The following KIAA1958 variants were observed in gnomAD, a reference collection of about 807,000 sequenced individuals.
The protein encoded by KIAA1958 is uncharacterized protein KIAA1958.
Under a neutral mutation model 47.2 loss-of-function variants are expected in KIAA1958, and 14 were observed. The observed-to-expected ratio is 0.30, with a 90% CI of 0.20 to 0.46. The LOEUF is 0.46. KIAA1958 is among the 20% of genes least tolerant of loss of function. KIAA1958 has a pLI of 1.00. For missense variants in KIAA1958, 803 were observed against 909.2 expected (o/e 0.88, Z 1.50); for synonymous variants, 354 against 353.3 (o/e 1.00, Z -0.02).
intron 1 of KIAA1958, among the ~76,000 whole-genome samples, chr9:112,558,895 C>T (rs775879640): frequency 3.9e-5 from 6 of 152,096 alleles, no homozygotes; most frequent in African/African-American, 1.4e-4. Flanking sequence ...TTATATAACA[C>T]TTTGGGTACA....
chr9:112,538,263 G>T (rs1358026633), intron 1 of KIAA1958, among the ~76,000 whole-genome samples: 3 of 152,076 alleles, frequency 2.0e-5, no homozygotes, highest in East Asian at 1.9e-4. Flanking sequence ...ATTGCTTGAG[G>T]ATTGCTTGAG....
At chr9:112,597,688 C>G (rs1036425129) in intron 2 of KIAA1958, among the ~76,000 whole-genome samples, 1 of 152,206 alleles carries the variant, frequency 6.6e-6, no homozygotes, top group Non-Finnish European at 1.5e-5. Context: ...GAGACACGTA[C>G]AGACATGCTT....
At chr9:112,523,643 C>A (rs1326330315) in intron 1 of KIAA1958, among the ~76,000 whole-genome samples, 1 of 152,146 alleles carries the variant, frequency 6.6e-6, no homozygotes, top group East Asian at 1.9e-4. Flanking sequence ...TCTTTGACTT[C>A]ATGGGTGGAT....
Position 112,659,758 on chromosome 9 carries a change from C to A in KIAA1958, c.1840C>A (p.His614Asn), listed in dbSNP as rs1388849920. The A allele has an allele frequency of 1.9e-6, 3 of 1,614,128 alleles. No individual in the cohort carries two copies. The Admixed American group carries it at 5.0e-5, about 27-fold the overall frequency. Residue 614 changes from histidine to asparagine, a missense_variant, in exon 4 of 4, where the codon CAC becomes AAC. His to Asn is a moderately conservative substitution (Grantham distance 68). Around this residue, in one of 2 missense-constraint regions of KIAA1958, gnomAD observed 761 missense variants for 829.3 expected, o/e 0.92. Coordinates refer to ENST00000337530, the MANE Select transcript of KIAA1958 (RefSeq NM_133465.4). ...TCGGAGCGGCTCCACCAGAGTGTGT[C>A]ACGGGAAGATCTACCATGAGCATTC... ...ESRSGSTRVC[H>N]GKIYHEHSRG...
chr9:112,616,775 A>G lies in KIAA1958; in HGVS notation c.1172-28875A>G, dbSNP rs888769234. Among the ~76,000 whole-genome samples the G allele has an allele frequency of 2.5e-4, 38 of 151,960 alleles. 1 individual carries two copies. Among genetic ancestry groups the G allele is most frequent in the Non-Finnish European group, 5.0e-4 (34 of 68,044 alleles). Reference sequence around the variant, plus strand: ...TGTTAAGATCCTAAATTTAAATTACATTTTACTGAAATGAAACCATGTAAA... The same window carrying G: ...TGTTAAGATCCTAAATTTAAATTACGTTTTACTGAAATGAAACCATGTAAA... On this transcript the variant is annotated intron_variant, in intron 2 of 3. Coordinates refer to ENST00000337530, the MANE Select transcript of KIAA1958 (RefSeq NM_133465.4).
intron 1 of KIAA1958, among the ~76,000 whole-genome samples, chr9:112,531,807 T>C (rs1435239776): frequency 6.6e-6 from 1 of 152,184 alleles, no homozygotes; most frequent in East Asian, 1.9e-4. Flanking sequence ...GGATTTTCAC[T>C]TTATCCACAC....
chr9:112,591,857 T>A (rs187355295), intron 2 of KIAA1958, among the ~76,000 whole-genome samples: 105 of 152,284 alleles, frequency 6.9e-4, no homozygotes, highest in Non-Finnish European at 1.3e-3. Flanking sequence ...AATATAAAAT[T>A]TTCTTTTTAA....
At chr9:112,638,195 T>G (rs1258880440) in intron 2 of KIAA1958, among the ~76,000 whole-genome samples, 3 of 151,792 alleles carry the variant, frequency 2.0e-5, no homozygotes, top group Non-Finnish European at 4.4e-5. Context: ...TGGTGTTATG[T>G]GGGAAGTTGA....
chr9:112,642,688 G>A (rs962039103), intron 2 of KIAA1958, among the ~76,000 whole-genome samples: 4 of 152,188 alleles, frequency 2.6e-5, no homozygotes, highest in African/African-American at 9.6e-5. Flanking sequence ...AGTAGTTCCC[G>A]CTTTTTCCTG....
chr9:112,517,249 C>T (rs147096455), intron 1 of KIAA1958, among the ~76,000 whole-genome samples: 13 of 151,112 alleles, frequency 8.6e-5, no homozygotes, highest in African/African-American at 3.2e-4. Context: ...ACGTATCTGG[C>T]CAGTTGATAT....
chr9:112,657,686 T>C (rs11795076), intron 3 of KIAA1958, among the ~76,000 whole-genome samples: 12,927 of 152,194 alleles, frequency 0.085, 694 homozygotes, highest in Non-Finnish European at 0.12. Flanking sequence ...TTTCTAATTG[T>C]CCTAGAATAT....
At chr9:112,569,869 C>T (rs1162190232) in intron 1 of KIAA1958, among the ~76,000 whole-genome samples, 1 of 152,080 alleles carries the variant, frequency 6.6e-6, no homozygotes, top group Admixed American at 6.6e-5. Flanking sequence ...AGTGATCCAC[C>T]CACTTCGGCT....
At chr9:112,553,390 G>A (rs771944379) in intron 1 of KIAA1958, among the ~76,000 whole-genome samples, 26 of 152,078 alleles carry the variant, frequency 1.7e-4, no homozygotes, top group Non-Finnish European at 3.4e-4. Flanking sequence ...GCCCAGGCTG[G>A]TCTTGATCAA....
intron 1 of KIAA1958, among the ~76,000 whole-genome samples, chr9:112,492,059 G>C (rs964125073): frequency 3.9e-5 from 6 of 152,108 alleles, no homozygotes; most frequent in Non-Finnish European, 5.9e-5. Flanking sequence ...TTTCTGGGAC[G>C]GAGTTGACAA....
Position 112,659,997 on chromosome 9 carries a change from CTG to C in KIAA1958, c.2082_2083del (p.Cys694Ter), listed in dbSNP as rs1400720227. The C allele has an allele frequency of 1.9e-6, 3 of 1,614,136 alleles. No homozygotes were observed. Among genetic ancestry groups the C allele is most frequent in the Non-Finnish European group, 2.5e-6 (3 of 1,180,062 alleles). On this transcript the variant is annotated frameshift_variant, in exon 4 of 4. Transcript: ENST00000337530. LOFTEE classifies it high-confidence loss of function. ...TAGCCAAGAAGGTCAAGCTGGAAAA[CTG>C]TGAGAACTTCACCTTTGTCTCGTTC... is the stretch of plus-strand genomic sequence containing the variant. ...NLAKKVKLEN[C>X]ENFTFVSFTQ...
chr9:112,630,965 T>TAA (rs938563647), intron 2 of KIAA1958, among the ~76,000 whole-genome samples: 6 of 152,240 alleles, frequency 3.9e-5, no homozygotes, highest in African/African-American at 1.4e-4. Context: ...GTTTTACACT[T>TAA]AAAATGTGAC....
At chr9:112,543,992 T>C (rs757094719) in intron 1 of KIAA1958, among the ~76,000 whole-genome samples, 1 of 152,228 alleles carries the variant, frequency 6.6e-6, no homozygotes, top group East Asian at 1.9e-4. Context: ...TTCCTTTTAT[T>C]TGTATTGCTA....
chr9:112,594,133 G>A (rs1227875839), intron 2 of KIAA1958, among the ~76,000 whole-genome samples: 2 of 152,142 alleles, frequency 1.3e-5, no homozygotes, highest in African/African-American at 4.8e-5. Context: ...CCAAAGTGCT[G>A]GGATTACAGA....
At chr9:112,594,478 C>T (rs138890702) in intron 2 of KIAA1958, among the ~76,000 whole-genome samples, 1 of 152,298 alleles carries the variant, frequency 6.6e-6, no homozygotes, top group African/African-American at 2.4e-5. Context: ...TATGTAAGTG[C>T]AATTGTACAA....
Sources: allele counts gnomAD v4.1 joint callset (sites outside exome capture counted in the v4.1 genomes callset), GRCh38; gene constraint gnomAD v4.1.1; regional missense constraint gnomAD v4.1.1; transcripts MANE v1.5; gene names NCBI Gene and HGNC (gene_info 2026-07-23, HGNC 2026-07-21).